Variants in AUTS2 observed in about 807,000 individuals in gnomAD.
AUTS2 encodes the protein activator of transcription and developmental regulator AUTS2.
In AUTS2, 17 loss-of-function variants were observed where a neutral mutation model predicts 112.4. That is an observed-to-expected ratio of 0.15 (90% CI 0.10 to 0.23). The LOEUF (loss-of-function observed/expected upper bound fraction) is 0.23, where lower values mean the gene tolerates loss of function less well. AUTS2 is among the 10% of genes least tolerant of loss of function. The pLI is 1.00. For missense variants in AUTS2, 1,510 were observed against 1,701.6 expected, an observed-to-expected ratio of 0.89 and a Z score of 1.98; for synonymous variants, 751 against 702.7, an observed-to-expected ratio of 1.07 and a Z score of -1.09.
intron 4 of AUTS2, among the ~76,000 whole-genome samples, chr7:70,176,393 C>T (rs2129579860): frequency 6.6e-6 from 1 of 152,308 alleles, no homozygotes; most frequent in Middle Eastern, 3.4e-3. Context: ...TCATTCTTTA[C>T]ACTTTTACTC....
intron 4 of AUTS2, among the ~76,000 whole-genome samples, chr7:70,377,488 G>A (rs550278619): frequency 1.0e-4 from 15 of 148,492 alleles, no homozygotes; most frequent in Non-Finnish European, 2.2e-4. Context: ...GCCATAAAAT[G>A]GCTTACCATT....
chr7:70,751,892 G>T (rs1027857820), intron 6 of AUTS2, among the ~76,000 whole-genome samples: 11 of 142,684 alleles, frequency 7.7e-5, no homozygotes, highest in Admixed American at 1.4e-4. Flanking sequence ...CCTAATTTTT[G>T]TTTTTTTTTT....
At chr7:70,626,785 G>A (rs1417376153) in intron 5 of AUTS2, among the ~76,000 whole-genome samples, 4 of 152,130 alleles carry the variant, frequency 2.6e-5, no homozygotes, top group Non-Finnish European at 5.9e-5. Context: ...CTCTTCCTGC[G>A]TTAATTCACT....
At chr7:70,634,779 G>A (rs1378374895) in intron 5 of AUTS2, among the ~76,000 whole-genome samples, 1 of 152,204 alleles carries the variant, frequency 6.6e-6, no homozygotes, top group Non-Finnish European at 1.5e-5. Context: ...TAAAATGGGA[G>A]TAGGTGCAAC....
chr7:70,104,701 C>T (rs1029500145), intron 2 of AUTS2, among the ~76,000 whole-genome samples: 4 of 152,030 alleles, frequency 2.6e-5, no homozygotes, highest in African/African-American at 9.7e-5. Context: ...ATCTGTAAAA[C>T]TTTGATCTGT....
intron 1 of AUTS2, among the ~76,000 whole-genome samples, chr7:69,754,298 A>G (rs1214684246): frequency 2.0e-5 from 3 of 152,206 alleles, no homozygotes. Context: ...AGCATAGAGT[A>G]TAGTGGGAGA....
intron 15 of AUTS2, chr7:70,782,602 C>T (rs1171055011): frequency 6.6e-6 from 1 of 152,184 alleles, no homozygotes; most frequent in East Asian, 1.9e-4. Context: ...GCACACAGAG[C>T]TCAGCTCAGT....
chr7:70,473,351 G>C (rs1305965621), intron 5 of AUTS2, among the ~76,000 whole-genome samples: 1 of 152,132 alleles, frequency 6.6e-6, no homozygotes, highest in Non-Finnish European at 1.5e-5. Context: ...TGCATAGTTA[G>C]CAAATCCCTC....
At chr7:70,322,913 C>T in intron 4 of AUTS2, among the ~76,000 whole-genome samples, 1 of 152,196 alleles carries the variant, frequency 6.6e-6, no homozygotes, top group East Asian at 1.9e-4. Context: ...TCTCTTCATC[C>T]TTCCACTCTC....
intron 5 of AUTS2, among the ~76,000 whole-genome samples, chr7:70,483,111 G>A (rs1453508848): frequency 6.6e-6 from 1 of 152,136 alleles, no homozygotes; most frequent in Non-Finnish European, 1.5e-5. Flanking sequence ...TGGAACAGAT[G>A]GGCACATCAC....
At chr7:70,242,006 A>G (rs1465588574) in intron 4 of AUTS2, among the ~76,000 whole-genome samples, 2 of 152,170 alleles carry the variant, frequency 1.3e-5, no homozygotes, top group African/African-American at 2.4e-5. Flanking sequence ...CAGTTTGGAT[A>G]TGGTACAGCC....
chr7:70,387,982 C>G (rs1793689545), intron 4 of AUTS2, among the ~76,000 whole-genome samples: 2 of 152,078 alleles, frequency 1.3e-5, no homozygotes, highest in African/African-American at 4.8e-5. Context: ...AATTACAAGG[C>G]CTTCTATATT....
At chr7:69,633,911 T>C (rs1399979007) in intron 1 of AUTS2, among the ~76,000 whole-genome samples, 2 of 152,160 alleles carry the variant, frequency 1.3e-5, no homozygotes, top group African/African-American at 4.8e-5. Flanking sequence ...TTTCATTGGT[T>C]ATTTCTTTTG....
intron 1 of AUTS2, among the ~76,000 whole-genome samples, chr7:69,679,229 C>T (rs888137482): frequency 6.6e-6 from 1 of 152,184 alleles, no homozygotes; most frequent in Non-Finnish European, 1.5e-5. Context: ...CCTGGAGTTA[C>T]AGAAGAATTG....
At chr7:70,132,462 G>A (rs988901010) in intron 3 of AUTS2, among the ~76,000 whole-genome samples, 4 of 152,096 alleles carry the variant, frequency 2.6e-5, no homozygotes, top group Admixed American at 6.5e-5. Flanking sequence ...CAAGCCAATC[G>A]CCATGAAAAC....
chr7:70,326,917 C>CTTTTTTT lies in AUTS2; in HGVS notation c.661-108823_661-108817dup, dbSNP rs552893729. Among the ~76,000 whole-genome samples, 15 of 120,682 alleles carry CTTTTTTT rather than the reference C, an allele frequency of 1.2e-4. 2 individuals are homozygous for CTTTTTTT. The highest frequency in any genetic ancestry group is 2.5e-4 in the East Asian group (1 of 4,042). The allele number at this position is 120,682 out of a possible 152,430, so 79.2% of individuals were successfully genotyped here. On this transcript the variant is annotated intron_variant, in intron 4 of 18. Transcript: ENST00000342771. ...CTTGGCATGAAAGGTATGCTTGGTT[C>CTTTTTTT]TTTTTTTTTTTTTTTTTTGTGACGG... is the stretch of plus-strand genomic sequence containing the variant.
chr7:70,388,320 C>T (rs1287272439), intron 4 of AUTS2, among the ~76,000 whole-genome samples: 4 of 152,224 alleles, frequency 2.6e-5, no homozygotes, highest in Middle Eastern at 3.4e-3. Flanking sequence ...TATCCAGTCC[C>T]GCCTTGGATT....
chr7:69,943,506 C>T (rs1796701537), intron 2 of AUTS2, among the ~76,000 whole-genome samples: 1 of 152,130 alleles, frequency 6.6e-6, no homozygotes, highest in Non-Finnish European at 1.5e-5. Flanking sequence ...ATTTCTAAAT[C>T]AAAGCCATTT....
At chr7:70,685,765 T>G (rs1228143831) in intron 5 of AUTS2, among the ~76,000 whole-genome samples, 6 of 152,170 alleles carry the variant, frequency 3.9e-5, no homozygotes, top group Admixed American at 2.6e-4. Context: ...AAAATGCCTC[T>G]TACCTAGAGA....
Sources: gnomAD v4.1 joint callset for allele counts (sites outside exome capture counted in the v4.1 genomes callset) on GRCh38, gnomAD v4.1.1 for gene constraint, MANE v1.5 for transcripts, NCBI Gene and HGNC (gene_info 2026-07-23, HGNC 2026-07-21) for gene names.